Variants in ADGRV1 observed in about 807,000 individuals in gnomAD.
The protein encoded by ADGRV1 is adhesion G protein-coupled receptor V1.
ADGRV1 carries 359 observed loss-of-function variants against 596.2 expected under a neutral mutation model. That is an observed-to-expected ratio of 0.60 (90% CI 0.55 to 0.66). ADGRV1 has a LOEUF of 0.66. Ranked by LOEUF, ADGRV1 falls within the 30% of genes least tolerant of loss-of-function variation. The pLI, the probability that ADGRV1 is intolerant of heterozygous loss-of-function variation, is 0.00. For missense variants in ADGRV1, 7,274 were observed against 7,575.6 expected (o/e 0.96, Z 1.48); for synonymous variants, 2,681 against 2,679.2 (o/e 1.00, Z -0.02).
intron 83 of ADGRV1, among the ~76,000 whole-genome samples, chr5:90,880,367 G>T (rs1384034437): frequency 6.6e-6 from 1 of 152,094 alleles, no homozygotes; most frequent in African/African-American, 2.4e-5. Flanking sequence ...AATTGCTAAA[G>T]GCTTTAATCA....
chr5:90,776,687 A>G (rs1758277677), intron 61 of ADGRV1, 111 bp downstream of exon 61: 7 of 1,198,900 alleles, frequency 5.8e-6, no homozygotes, highest in Non-Finnish European at 7.3e-6. Context: ...AAGCATTAAC[A>G]TTCTATATAC....
rs183602326 is a variant in ADGRV1 at position 91,022,693 on chromosome 5, T to A, written c.18152+37171T>A. On this transcript the variant is annotated intron_variant, in intron 85 of 89. Transcript: ENST00000405460. ...ACCCATTTACAGGCTCATAAATCTT[T>A]CAAGTGTTACCACTGCGTGCATTTG... Among the ~76,000 whole-genome samples the A allele has an allele frequency of 1.9e-3, 290 of 152,268 alleles. 3 individuals are homozygous for A. Among genetic ancestry groups the A allele is most frequent in the Admixed American group, 0.015 (233 of 15,280 alleles).
chr5:90,788,850 G>C (rs1357161934), intron 68 of ADGRV1, among the ~76,000 whole-genome samples: 1 of 141,832 alleles, frequency 7.1e-6, no homozygotes, highest in Non-Finnish European at 1.5e-5. Context: ...GGACAGACAT[G>C]CACACAGACA....
At chr5:90,742,285 A>C (rs1454268923) in intron 50 of ADGRV1, among the ~76,000 whole-genome samples, 1 of 152,192 alleles carries the variant, frequency 6.6e-6, no homozygotes, top group Non-Finnish European at 1.5e-5. Context: ...CTGGTCTAAG[A>C]GATGCCCAGA....
chr5:91,022,320 C>G (rs16869348), intron 85 of ADGRV1, among the ~76,000 whole-genome samples: 1 of 151,874 alleles, frequency 6.6e-6, no homozygotes, highest in African/African-American at 2.4e-5. Context: ...GTGCTAAATC[C>G]GGACTTAGGC....
chr5:90,974,035 A>G (rs561323614), intron 84 of ADGRV1, among the ~76,000 whole-genome samples: 10 of 152,332 alleles, frequency 6.6e-5, no homozygotes, highest in East Asian at 1.9e-4. Flanking sequence ...AAAAATCACA[A>G]GCATTCTTAT....
Position 90,882,120 on chromosome 5 carries a change from A to G in ADGRV1, c.17856+18263A>G, listed in dbSNP as rs547964182. The stretch of plus-strand genomic sequence containing the variant: ...AATTGCAGATTTCCTCACAGATGTA[A>G]AGAGATTACCTTTCATATTAATATA... On this transcript the variant is annotated intron_variant, in intron 83 of 89. Coordinates refer to ENST00000405460, the MANE Select transcript of ADGRV1 (RefSeq NM_032119.4). Among the ~76,000 whole-genome samples, 4 of 152,338 alleles carry G rather than the reference A, an allele frequency of 2.6e-5. No homozygotes were observed. In the South Asian group the frequency reaches 6.2e-4, roughly 24 times the overall value.
chr5:90,594,148 G>T (rs1353702111), intron 1 of ADGRV1, among the ~76,000 whole-genome samples: 2 of 152,130 alleles, frequency 1.3e-5, no homozygotes, highest in Non-Finnish European at 2.9e-5. Flanking sequence ...AATAAAATAT[G>T]ACACACTTTG....
chr5:90,640,537 G>A (rs780998795), intron 11 of ADGRV1, among the ~76,000 whole-genome samples: 2 of 152,130 alleles, frequency 1.3e-5, no homozygotes, highest in Non-Finnish European at 2.9e-5. Flanking sequence ...AGGCACAGGC[G>A]CCTTGGAGGA....
Position 90,805,392 on chromosome 5 carries a change from A to G in ADGRV1, c.14770A>G (p.Thr4924Ala). 6.2e-7 allele frequency: 1 copy of G among 1,610,106 alleles called. No individual in the cohort carries two copies. The highest frequency in any genetic ancestry group is 8.5e-7 in the Non-Finnish European group (1 of 1,176,790). ...TGGAGCTCTCTCGGTTGCCTGGACC[A>G]CTGGATATGCTCCTGGGTTAGAAAT... ...TYGALSVAWT[T>A]GYAPGLEIPE... The change falls in exon 72 of 90, where the codon ACT becomes GCT. Residue 4924 changes from threonine to alanine, a missense_variant. Thr to Ala is a moderately conservative substitution (Grantham distance 58). Transcript: ENST00000405460.
chr5:91,068,574 G>A (rs2151382634), intron 85 of ADGRV1, among the ~76,000 whole-genome samples: 1 of 151,650 alleles, frequency 6.6e-6, no homozygotes, highest in South Asian at 2.1e-4. Flanking sequence ...AATACCTCTG[G>A]CCAAGGACAA....
At chr5:91,129,898 A>T (rs1287311634) in intron 87 of ADGRV1, among the ~76,000 whole-genome samples, 2 of 152,198 alleles carry the variant, frequency 1.3e-5, no homozygotes, top group East Asian at 3.9e-4. Context: ...ACAGATCTCC[A>T]TTCAAGAAAT....
At chr5:90,726,655 G>GTA (rs765479585) in intron 48 of ADGRV1, among the ~76,000 whole-genome samples, 2 of 103,178 alleles carry the variant, frequency 1.9e-5, no homozygotes, top group African/African-American at 1.4e-4. Flanking sequence ...CTCTGGGTAT[G>GTA]TGTGTGTGTG....
chr5:91,116,235 A>G (rs1792841429), intron 87 of ADGRV1, among the ~76,000 whole-genome samples: 1 of 152,232 alleles, frequency 6.6e-6, no homozygotes, highest in Admixed American at 6.5e-5. Context: ...AATATTTTAA[A>G]TAATGTTCTC....
At chr5:90,930,750 C>T (rs552744504) in intron 83 of ADGRV1, among the ~76,000 whole-genome samples, 15 of 152,200 alleles carry the variant, frequency 9.9e-5, no homozygotes, top group African/African-American at 2.6e-4. Context: ...AAATAACTTA[C>T]ATGAGGAAAT....
Position 90,842,246 on chromosome 5 carries a change from T to C in ADGRV1, c.17019+1261T>C, listed in dbSNP as rs1765496034. Among the ~76,000 whole-genome samples, 3 of 152,228 alleles carry C rather than the reference T, an allele frequency of 2.0e-5. No individual in the cohort carries two copies. In the South Asian group the frequency reaches 6.2e-4, roughly 32 times the overall value. On this transcript the variant is annotated intron_variant, in intron 78 of 89. Transcript: ENST00000405460. ...GAGTTGTCAGATAGTACATCTTGACTGTTACTAGTACTATCGTGAATAATA... is the reference window on the plus strand; with the variant it reads ...GAGTTGTCAGATAGTACATCTTGACCGTTACTAGTACTATCGTGAATAATA...
chr5:90,741,596 G>A lies in ADGRV1; in HGVS notation c.10550-3450G>A, dbSNP rs556685223. Reference sequence around the variant, plus strand: ...AAAGATGATGAGTGCTGCCTGAAGGGCCATTAATTAAAGTTATAGAATTCT... The same window carrying A: ...AAAGATGATGAGTGCTGCCTGAAGGACCATTAATTAAAGTTATAGAATTCT... On this transcript the variant is annotated intron_variant, in intron 50 of 89. Coordinates refer to ENST00000405460, the MANE Select transcript of ADGRV1 (RefSeq NM_032119.4). 3.3e-5 allele frequency among the ~76,000 whole-genome samples: 5 copies of A among 152,162 alleles called. No homozygotes were observed. In the East Asian group the frequency reaches 9.7e-4, roughly 29 times the overall value.
At chr5:90,881,571 G>A (rs1343103996) in intron 83 of ADGRV1, among the ~76,000 whole-genome samples, 1 of 152,072 alleles carries the variant, frequency 6.6e-6, no homozygotes, top group Non-Finnish European at 1.5e-5. Flanking sequence ...TGGCCAGTGG[G>A]TCACAGCAAA....
rs1750742796 is a variant in ADGRV1 at position 90,720,275 on chromosome 5, TA to T, written c.9623+53del. On this transcript the variant is annotated intron_variant, in intron 44 of 89. Transcript: ENST00000405460. ...CACTTCTGAAGCTATAAGTAGGGAA[TA>T]TTTTTTGACATAAGAAAATGCAGAA... 1.5e-5 allele frequency: 18 copies of T among 1,162,076 alleles called. No homozygotes were observed. The East Asian group carries it at 2.5e-4, about 16-fold the overall frequency. The allele number at this position is 1,162,076 out of a possible 1,614,324, so 72.0% of individuals were successfully genotyped here.
Sources: allele counts gnomAD v4.1 joint callset (sites outside exome capture counted in the v4.1 genomes callset), GRCh38; gene constraint gnomAD v4.1.1; transcripts MANE v1.5; gene names NCBI Gene and HGNC (gene_info 2026-07-23, HGNC 2026-07-21).